PARP11: variants seen among roughly 807,000 people sequenced by gnomAD.
PARP11 encodes the protein poly(ADP-ribose) polymerase family member 11, also known as protein mono-ADP-ribosyltransferase PARP11.
In PARP11, 31 loss-of-function variants were observed where a neutral mutation model predicts 42.9. The observed-to-expected ratio is 0.72, with a 90% confidence interval of 0.54 to 0.98. PARP11 has a LOEUF of 0.98. PARP11 is among the 50% of genes least tolerant of loss of function. PARP11 has a pLI of 0.00. For missense variants in PARP11, 365 were observed against 413.1 expected (o/e 0.88, Z 1.01); for synonymous variants, 137 against 127.3 (o/e 1.08, Z -0.51).
chr12:3,847,018 A>G (rs2138085896), intron 1 of PARP11, among the ~76,000 whole-genome samples: 1 of 152,208 alleles, frequency 6.6e-6, no homozygotes, highest in South Asian at 2.1e-4. Flanking sequence ...TTAAAGCTAC[A>G]GTGAGCTATG....
chr12:3,827,607 T>TAA (rs112786211), intron 3 of PARP11, among the ~76,000 whole-genome samples: 1 of 147,898 alleles, frequency 6.8e-6, no homozygotes, highest in Non-Finnish European at 1.5e-5. Flanking sequence ...CTAATGGCAT[T>TAA]AAAAAAAAAA....
chr12:3,864,390 T>C (rs1948354376), intron 1 of PARP11, among the ~76,000 whole-genome samples: 1 of 152,240 alleles, frequency 6.6e-6, no homozygotes, highest in African/African-American at 2.4e-5. Flanking sequence ...TCTGTAGTTT[T>C]CTATGATGGG....
chr12:3,825,577 T>C (rs1384965286), intron 4 of PARP11, among the ~76,000 whole-genome samples: 1 of 152,160 alleles, frequency 6.6e-6, no homozygotes, highest in Non-Finnish European at 1.5e-5. Context: ...GCAGAGACCA[T>C]AAGGCATTTT....
At chr12:3,871,006 G>A (rs1049881523) in intron 1 of PARP11, among the ~76,000 whole-genome samples, 1 of 152,062 alleles carries the variant, frequency 6.6e-6, no homozygotes, top group Non-Finnish European at 1.5e-5. Flanking sequence ...CGTATGAATC[G>A]AAAATACTAA....
chr12:3,822,925 C>T (rs949475096), intron 4 of PARP11, among the ~76,000 whole-genome samples: 4 of 152,206 alleles, frequency 2.6e-5, no homozygotes, highest in African/African-American at 9.7e-5. Context: ...AAACCCTTCT[C>T]TGTTAATTGC....
intron 1 of PARP11, among the ~76,000 whole-genome samples, chr12:3,871,058 A>C (rs1468734953): frequency 6.6e-6 from 1 of 152,226 alleles, no homozygotes; most frequent in Non-Finnish European, 1.5e-5. Context: ...AGGAACCATA[A>C]TGTGCAACTA....
intron 1 of PARP11, chr12:3,841,324 C>A (rs1325221680): frequency 2.5e-6 from 3 of 1,223,770 alleles, no homozygotes; most frequent in Non-Finnish European, 3.6e-6. Flanking sequence ...GTGGGCCCCA[C>A]ATTCTTACCT....
intron 1 of PARP11, chr12:3,839,476 T>C: frequency 6.2e-7 from 1 of 1,612,444 alleles, no homozygotes; most frequent in Non-Finnish European, 8.5e-7. Context: ...GCACTCTCAG[T>C]CTCGCCATGT....
intron 6 of PARP11, among the ~76,000 whole-genome samples, chr12:3,816,318 A>C (rs1591758074): frequency 6.6e-6 from 1 of 152,182 alleles, no homozygotes; most frequent in East Asian, 1.9e-4. Flanking sequence ...TGAATCCCTC[A>C]CAAGTGTGAT....
At chr12:3,865,850 AT>A (rs1033968514) in intron 1 of PARP11, among the ~76,000 whole-genome samples, 1 of 145,716 alleles carries the variant, frequency 6.9e-6, no homozygotes, top group African/African-American at 2.5e-5. Flanking sequence ...TAGTATGATT[AT>A]TGATATGGTT....
chr12:3,842,106 G>A, intron 1 of PARP11: 1 of 1,610,678 alleles, frequency 6.2e-7, no homozygotes, highest in Non-Finnish European at 8.5e-7. Flanking sequence ...TGTGCCTGTT[G>A]AACTTGAACC....
At chr12:3,845,890 A>G (rs546250363) in intron 1 of PARP11, among the ~76,000 whole-genome samples, 1 of 152,352 alleles carries the variant, frequency 6.6e-6, no homozygotes, top group East Asian at 1.9e-4. Flanking sequence ...AATGCTGGGA[A>G]GCAGCAACTT....
chr12:3,858,697 G>T (rs538202429), intron 1 of PARP11, among the ~76,000 whole-genome samples: 1 of 152,264 alleles, frequency 6.6e-6, no homozygotes, highest in African/African-American at 2.4e-5. Context: ...TCTGATAAAG[G>T]TATTTTGGTG....
At chr12:3,831,245 ATC>A (rs141144974) in intron 1 of PARP11, among the ~76,000 whole-genome samples, 12 of 150,996 alleles carry the variant, frequency 7.9e-5, no homozygotes, top group South Asian at 6.3e-4. Flanking sequence ...TATCTTTCAG[ATC>A]TCTCTCTCTC....
At position 3,829,885 on chromosome 12, in the gene PARP11, G is replaced by A. The variant is rs752281232; in HGVS notation, c.147+5C>T. On this transcript the variant is annotated splice_donor_5th_base_variant and intron_variant, in intron 2 of 7. Transcript: ENST00000228820. ...ACTTCTGCTAAATTAAAGGAAAGGA[G>A]GTACCTGAAACATGTGCCACTTCCC... The A allele has an allele frequency of 2.5e-6, 4 of 1,613,556 alleles. No homozygotes were observed. Among genetic ancestry groups the A allele is most frequent in the Admixed American group, 1.7e-5 (1 of 59,972 alleles).
intron 3 of PARP11, among the ~76,000 whole-genome samples, chr12:3,827,388 T>G (rs916172562): frequency 6.6e-6 from 1 of 152,324 alleles, no homozygotes; most frequent in Admixed American, 6.5e-5. Flanking sequence ...AAAATATTCT[T>G]TCAGAAACAT....
chr12:3,818,048 AT>A (rs1168853890), intron 6 of PARP11, among the ~76,000 whole-genome samples: 1 of 152,118 alleles, frequency 6.6e-6, no homozygotes, highest in Non-Finnish European at 1.5e-5. Flanking sequence ...CAATCCAACC[AT>A]TTCCACTATC....
rs1948298241 is a variant in PARP11 at position 3,861,868 on chromosome 12, C to CA, written c.18+11343dup. On this transcript the variant is annotated intron_variant, in intron 1 of 7. Transcript: ENST00000228820. The surrounding 1 kb of genome is among the most constrained non-coding windows in gnomAD (Gnocchi z 4.6). ...TGAAACCCCGTCTCTACCAAAAATA[C>CA]AAAAAAATTAGCCAGGCGTGGTGGA... is the stretch of plus-strand genomic sequence containing the variant. Among the ~76,000 whole-genome samples, 1 of 151,376 alleles carries CA rather than the reference C, an allele frequency of 6.6e-6. No individual in the cohort carries two copies.
intron 1 of PARP11, among the ~76,000 whole-genome samples, chr12:3,849,468 G>A (rs1320473125): frequency 6.6e-6 from 1 of 152,128 alleles, no homozygotes; most frequent in Admixed American, 6.5e-5. Flanking sequence ...GGATTATCGA[G>A]CTGTAAAAAA....
Sources: allele counts gnomAD v4.1 joint callset (sites outside exome capture counted in the v4.1 genomes callset), GRCh38; gene constraint gnomAD v4.1.1; non-coding constraint Gnocchi (gnomAD v3.1); transcripts MANE v1.5; gene names NCBI Gene and HGNC (gene_info 2026-07-23, HGNC 2026-07-21).